NAV3: variants seen among roughly 807,000 people sequenced by gnomAD.
The protein encoded by NAV3 is neuron navigator 3, also known as pore membrane and/or filament interacting like protein 1.
NAV3 carries 87 observed loss-of-function variants against 244.7 expected under a neutral mutation model. That is an observed-to-expected ratio of 0.36 (90% confidence interval 0.30 to 0.42). NAV3 has a LOEUF of 0.42. Among genes scored for constraint, NAV3 ranks in the 20% least tolerant of loss-of-function variants. NAV3 has a pLI of 1.00. For synonymous variants in NAV3, 1,126 were observed against 1,042.2 expected (o/e 1.08, Z -1.55); for missense variants, 2,663 against 2,893.3 (o/e 0.92, Z 1.83).
chr12:78,016,671 A>G (rs1055884562), intron 8 of NAV3, among the ~76,000 whole-genome samples: 1 of 152,136 alleles, frequency 6.6e-6, no homozygotes, highest in Non-Finnish European at 1.5e-5. Context: ...TTACAATACC[A>G]TTAGTTAATG....
intron 1 of NAV3, among the ~76,000 whole-genome samples, chr12:77,917,096 A>T (rs577192040): frequency 6.6e-6 from 1 of 152,146 alleles, no homozygotes; most frequent in East Asian, 1.9e-4. Flanking sequence ...GACATATTAT[A>T]AAGTTTATGT....
intron 1 of NAV3, among the ~76,000 whole-genome samples, chr12:77,860,416 T>C (rs2136328551): frequency 6.6e-6 from 1 of 151,166 alleles, no homozygotes; most frequent in East Asian, 1.9e-4. Context: ...ACAACACATA[T>C]ATATTCACTT....
intron 12 of NAV3, among the ~76,000 whole-genome samples, chr12:78,113,696 G>T (rs1340213556): frequency 1.3e-5 from 2 of 152,128 alleles, no homozygotes; most frequent in Non-Finnish European, 2.9e-5. Context: ...GATGAGTAGG[G>T]TTGCCACAAA....
chr12:78,153,353 A>G (rs2139301344), intron 22 of NAV3, among the ~76,000 whole-genome samples: 1 of 152,194 alleles, frequency 6.6e-6, no homozygotes, highest in South Asian at 2.1e-4. Flanking sequence ...AGAGCTGCAT[A>G]AAACCACAGG....
At chr12:77,628,608 G>C (rs944129488) in intron 2 of NAV3, among the ~76,000 whole-genome samples, 1 of 152,018 alleles carries the variant, frequency 6.6e-6, no homozygotes, top group Non-Finnish European at 1.5e-5. Flanking sequence ...ATCTGTCCAG[G>C]TGTGGTGGCT....
rs1892726671 is a variant in NAV3, at chr12:77,968,707, G to C, written c.671+5G>C. On this transcript the variant is annotated splice_donor_5th_base_variant and intron_variant, in intron 5 of 39. Transcript: ENST00000397909. ...CCAGCAAGATATGCAGTCCAGGTAA[G>C]GAAAGGAAGTAGGGAATGTGTTTCC... The C allele has an allele frequency of 6.2e-7, 1 of 1,609,684 alleles. No individual in the cohort carries two copies. The highest frequency in any genetic ancestry group is 1.3e-5 in the African/African-American group (1 of 74,910).
In NAV3 at chr12:78,050,946, T is replaced by C. The variant is rs752330645; in HGVS notation, c.2315T>C (p.Ile772Thr). ...GYPRSGTSRF[I>T]HTDPSRFMYT... is the part of the protein sequence containing the mutation. ...CCTCGCAGTGGTACCAGTCGATTCA[T>C]CCACACAGACCCCTCGAGGTTCATG... The change falls in exon 11 of 40, where the codon ATC becomes ACC. Residue 772 changes from isoleucine (I) to threonine (T), a missense_variant. Physicochemically the swap from Ile to Thr is moderately conservative, Grantham distance 89 (BLOSUM62 -1). This residue lies in a region of NAV3 where 1,521 missense variants were observed against 1,497.0 expected (regional missense o/e 1.02). Transcript: ENST00000397909. 2 of 1,614,004 alleles carry C rather than the reference T, an allele frequency of 1.2e-6. No homozygotes were observed. Among genetic ancestry groups the C allele is most frequent in the Non-Finnish European group, 1.7e-6 (2 of 1,180,004 alleles).
At chr12:77,723,359 AG>A (rs1426544023) in intron 2 of NAV3, among the ~76,000 whole-genome samples, 1 of 74,826 alleles carries the variant, frequency 1.3e-5, no homozygotes, top group East Asian at 8.9e-4. Flanking sequence ...GTTATTGAAA[AG>A]TTTTTTTTTT....
intron 2 of NAV3, among the ~76,000 whole-genome samples, chr12:77,617,905 G>C (rs574693204): frequency 6.6e-6 from 1 of 152,174 alleles, no homozygotes; most frequent in Non-Finnish European, 1.5e-5. Context: ...TATCTACAGA[G>C]CAGTTAAGGG....
At chr12:78,202,798 A>C (rs1959858863) in intron 38 of NAV3, among the ~76,000 whole-genome samples, 1 of 152,068 alleles carries the variant, frequency 6.6e-6, no homozygotes, top group Non-Finnish European at 1.5e-5. Flanking sequence ...ATTGAAGACT[A>C]TGCTGGGCCA....
intron 3 of NAV3, among the ~76,000 whole-genome samples, chr12:77,955,988 G>A (rs184474202): frequency 2.0e-5 from 3 of 152,152 alleles, no homozygotes; most frequent in Non-Finnish European, 4.4e-5. Flanking sequence ...TCCCTTGCCT[G>A]TAAAACTATA....
intron 2 of NAV3, among the ~76,000 whole-genome samples, chr12:77,690,964 C>CT (rs1009612533): frequency 2.7e-5 from 4 of 150,638 alleles, no homozygotes; most frequent in African/African-American, 9.7e-5. Flanking sequence ...AAATTGTGCT[C>CT]TTAATTTTTC....
intron 2 of NAV3, among the ~76,000 whole-genome samples, chr12:77,741,384 A>G (rs1475235785): frequency 6.6e-6 from 1 of 152,100 alleles, no homozygotes; most frequent in Non-Finnish European, 1.5e-5. Context: ...TATTTTTTAC[A>G]TACATTTTAC....
chr12:77,932,523 G>A (rs149495186), intron 1 of NAV3, among the ~76,000 whole-genome samples: 1 of 152,080 alleles, frequency 6.6e-6, no homozygotes, highest in South Asian at 2.1e-4. Flanking sequence ...GATAGAATTT[G>A]AGTTAAGATT....
chr12:77,976,674 C>T (rs12811825), intron 5 of NAV3, among the ~76,000 whole-genome samples: 39,768 of 83,020 alleles, frequency 0.48, 8,023 homozygotes, highest in African/African-American at 0.56. Flanking sequence ...TTCTTTTTTT[C>T]TTTTTTTTTT....
chr12:77,702,269 C>T (rs1270660515), intron 2 of NAV3, among the ~76,000 whole-genome samples: 1 of 151,960 alleles, frequency 6.6e-6, no homozygotes, highest in East Asian at 1.9e-4. Flanking sequence ...TCAGTATAGC[C>T]ACACCTGCAT....
intron 18 of NAV3, among the ~76,000 whole-genome samples, chr12:78,135,472 T>A (rs915301947): frequency 2.6e-5 from 4 of 152,316 alleles, no homozygotes; most frequent in Admixed American, 2.0e-4. Flanking sequence ...ATTGTAGAAG[T>A]ACACTTCACT....
At chr12:77,648,054 C>T (rs1205674462) in intron 2 of NAV3, among the ~76,000 whole-genome samples, 2 of 151,940 alleles carry the variant, frequency 1.3e-5, no homozygotes, top group Non-Finnish European at 2.9e-5. Context: ...TGTTGGACTC[C>T]CTATCAATGG....
At chr12:77,948,407 T>C (rs1333714163) in intron 3 of NAV3, among the ~76,000 whole-genome samples, 3 of 152,008 alleles carry the variant, frequency 2.0e-5, no homozygotes, top group Admixed American at 2.0e-4. Context: ...AATTTATATA[T>C]GCATATATAA....
Sources: gnomAD v4.1 joint callset for allele counts (sites outside exome capture counted in the v4.1 genomes callset) on GRCh38, gnomAD v4.1.1 for gene constraint, gnomAD v4.1.1 regional missense constraint, MANE v1.5 for transcripts, NCBI Gene and HGNC (gene_info 2026-07-23, HGNC 2026-07-21) for gene names.